UVRAG: variants seen among roughly 807,000 people sequenced by gnomAD.
UVRAG encodes UV radiation resistance associated, also known as UV radiation resistance-associated gene protein.
Under a neutral mutation model 78.0 loss-of-function variants are expected in UVRAG, and 19 were observed. That is an observed-to-expected ratio of 0.24 (90% CI 0.17 to 0.36). The LOEUF is 0.36. UVRAG is among the 10% of genes least tolerant of loss of function. UVRAG has a pLI of 1.00. For missense variants in UVRAG, 740 were observed against 853.8 expected (o/e 0.87, Z 1.66); for synonymous variants, 323 against 324.6 (o/e 1.00, Z 0.05).
intron 13 of UVRAG, among the ~76,000 whole-genome samples, chr11:76,106,451 C>T (rs1053938963): frequency 2.6e-5 from 4 of 152,006 alleles, no homozygotes; most frequent in Admixed American, 6.6e-5. Context: ...CTGTAACCTC[C>T]GCTTCCCAGG....
chr11:76,006,528 G>C (rs1432060796), intron 9 of UVRAG, among the ~76,000 whole-genome samples: 1 of 151,572 alleles, frequency 6.6e-6, no homozygotes, highest in Non-Finnish European at 1.5e-5. Context: ...AGCATGGTTG[G>C]GCATACCTGT....
intron 13 of UVRAG, among the ~76,000 whole-genome samples, chr11:76,066,888 G>A (rs1038107984): frequency 3.9e-5 from 6 of 152,184 alleles, no homozygotes; most frequent in African/African-American, 1.4e-4. Flanking sequence ...TACATTGTGA[G>A]CTATATCCTC....
chr11:75,828,762 T>TAC (rs1303941292), intron 1 of UVRAG, among the ~76,000 whole-genome samples: 15 of 113,054 alleles, frequency 1.3e-4, no homozygotes, highest in Admixed American at 2.6e-4. Flanking sequence ...CACATATATA[T>TAC]ATATATATAT....
intron 7 of UVRAG, among the ~76,000 whole-genome samples, chr11:75,963,810 A>G (rs757378413): frequency 6.6e-6 from 1 of 152,008 alleles, no homozygotes; most frequent in African/African-American, 2.4e-5. Flanking sequence ...TTGAATTTTT[A>G]CTTATGTTTT....
At chr11:76,081,433 T>C (rs1053794452) in intron 13 of UVRAG, among the ~76,000 whole-genome samples, 5 of 152,162 alleles carry the variant, frequency 3.3e-5, no homozygotes, top group Middle Eastern at 3.2e-3. Context: ...TCTGAACTCC[T>C]GACCTCCAAT....
At chr11:76,046,950 A>G (rs1208626398) in intron 12 of UVRAG, among the ~76,000 whole-genome samples, 2 of 152,062 alleles carry the variant, frequency 1.3e-5, no homozygotes, top group East Asian at 3.8e-4. Flanking sequence ...TTTTTCAACC[A>G]TGTATATGTT....
intron 14 of UVRAG, among the ~76,000 whole-genome samples, chr11:76,130,319 C>G (rs1470530619): frequency 1.3e-5 from 2 of 152,188 alleles, no homozygotes; most frequent in Admixed American, 6.5e-5. Context: ...TGTATGTGTA[C>G]TTGTCTGTCC....
chr11:75,820,186 C>A (rs1945354842), intron 1 of UVRAG, among the ~76,000 whole-genome samples: 1 of 151,930 alleles, frequency 6.6e-6, no homozygotes, highest in Admixed American at 6.6e-5. Context: ...CTGTGTTGCC[C>A]AGGCTAGTCT....
chr11:75,919,162 A>G (rs535313041), intron 6 of UVRAG, among the ~76,000 whole-genome samples: 62 of 152,338 alleles, frequency 4.1e-4, no homozygotes, highest in African/African-American at 1.5e-3. Flanking sequence ...AGTATAAGGT[A>G]TAACTTTGTT....
At chr11:76,127,212 A>G (rs1390386870) in intron 14 of UVRAG, among the ~76,000 whole-genome samples, 1 of 152,230 alleles carries the variant, frequency 6.6e-6, no homozygotes, top group East Asian at 1.9e-4. Flanking sequence ...GGATTTCGGT[A>G]ATGTCTGAAA....
At chr11:75,954,836 G>A (rs780000815) in intron 6 of UVRAG, among the ~76,000 whole-genome samples, 1 of 152,224 alleles carries the variant, frequency 6.6e-6, no homozygotes, top group Non-Finnish European at 1.5e-5. Flanking sequence ...ACATGAAGTA[G>A]CAGATTTCCA....
At chr11:75,993,851 C>A (rs189646714) in intron 8 of UVRAG, among the ~76,000 whole-genome samples, 3 of 151,944 alleles carry the variant, frequency 2.0e-5, no homozygotes, top group Admixed American at 2.0e-4. Context: ...AGGAAGCTTT[C>A]GGTCATGGTG....
chr11:76,074,691 A>G (rs1361285102), intron 13 of UVRAG, among the ~76,000 whole-genome samples: 1 of 152,250 alleles, frequency 6.6e-6, no homozygotes, highest in Non-Finnish European at 1.5e-5. Context: ...CAAGCAATTC[A>G]AAACCAAATC....
chr11:76,084,371 T>C (rs1251131124), intron 13 of UVRAG, among the ~76,000 whole-genome samples: 4 of 152,222 alleles, frequency 2.6e-5, no homozygotes, highest in African/African-American at 9.6e-5. Flanking sequence ...AATGTACCGC[T>C]TTTATTAATG....
intron 13 of UVRAG, among the ~76,000 whole-genome samples, chr11:76,101,073 C>A (rs1487718109): frequency 6.6e-6 from 1 of 151,730 alleles, no homozygotes; most frequent in Non-Finnish European, 1.5e-5. Flanking sequence ...TGAACATACA[C>A]GTGCATATGT....
At chr11:76,016,180 C>G (rs1311095537) in intron 11 of UVRAG, among the ~76,000 whole-genome samples, 1 of 152,110 alleles carries the variant, frequency 6.6e-6, no homozygotes, top group African/African-American at 2.4e-5. Context: ...GTTGCTTCCA[C>G]CTATATTACA....
chr11:75,870,210 T>G (rs1283860840), intron 3 of UVRAG, among the ~76,000 whole-genome samples: 1 of 152,240 alleles, frequency 6.6e-6, no homozygotes, highest in East Asian at 1.9e-4. Context: ...GCAACTGTTT[T>G]GTAATAGTAT....
chr11:76,043,433 T>A (rs149381207), intron 12 of UVRAG, among the ~76,000 whole-genome samples: 2 of 152,302 alleles, frequency 1.3e-5, no homozygotes, highest in East Asian at 3.9e-4. Flanking sequence ...ACATTCTGTT[T>A]GGACCTATAT....
chr11:75,863,777 G>A (rs1323682569), intron 3 of UVRAG, among the ~76,000 whole-genome samples: 1 of 152,162 alleles, frequency 6.6e-6, no homozygotes, highest in Non-Finnish European at 1.5e-5. Context: ...AACACTTGTA[G>A]GTCCCTTTCA....
Sources: allele counts gnomAD v4.1 joint callset (sites outside exome capture counted in the v4.1 genomes callset), GRCh38; gene constraint gnomAD v4.1.1; transcripts MANE v1.5; gene names NCBI Gene and HGNC (gene_info 2026-07-23, HGNC 2026-07-21).